Variants in EDA observed in about 807,000 individuals in gnomAD.
The protein encoded by EDA is ectodysplasin-A.
A neutral mutation model predicts 23.6 loss-of-function variants in EDA; 2 were observed. That is an observed-to-expected ratio of 0.08 (90% CI 0.03 to 0.27). The LOEUF is 0.27. EDA is among the 10% of genes least tolerant of loss of function. The pLI, the probability that EDA is intolerant of heterozygous loss-of-function variation, is 1.00. For missense variants in EDA, 229 were observed against 324.2 expected, an observed-to-expected ratio of 0.71 and a Z score of 2.26; for synonymous variants, 131 against 132.0, an observed-to-expected ratio of 0.99 and a Z score of 0.05.
At chrX:69,941,575 C>CTGATAGA (rs1283112542) in intron 1 of EDA, among the ~76,000 whole-genome samples, 2 of 111,232 alleles carry the variant, frequency 1.8e-5, no homozygotes, top group Non-Finnish European at 3.8e-5. Flanking sequence ...TATATTTTGT[C>CTGATAGA]TGATAGAAGT....
chrX:69,888,072 A>G (rs999250119), intron 1 of EDA, among the ~76,000 whole-genome samples: 1 of 112,135 alleles, frequency 8.9e-6, no homozygotes, highest in East Asian at 2.8e-4. Flanking sequence ...TCTCTAGTAT[A>G]AAAGTTATCT....
intron 1 of EDA, among the ~76,000 whole-genome samples, chrX:69,709,350 C>T (rs2011872971): frequency 9.0e-6 from 1 of 111,602 alleles, no homozygotes; most frequent in South Asian, 3.8e-4. Context: ...GATATGTGGC[C>T]TTTTAGCATT....
chrX:69,831,492 AT>A (rs1453614877), intron 1 of EDA, among the ~76,000 whole-genome samples: 3 of 112,388 alleles, frequency 2.7e-5, no homozygotes, highest in Non-Finnish European at 5.6e-5. Context: ...AGTCTTTGCT[AT>A]TGTGAATAGT....
At chrX:70,003,171 A>G (rs1451460340) in intron 2 of EDA, among the ~76,000 whole-genome samples, 2 of 111,727 alleles carry the variant, frequency 1.8e-5, no homozygotes, top group Non-Finnish European at 3.8e-5. Flanking sequence ...AGACAGGTGA[A>G]GTGATTCGCC....
intron 2 of EDA, among the ~76,000 whole-genome samples, chrX:70,017,857 C>T (rs918774636): frequency 1.8e-5 from 2 of 111,493 alleles, no homozygotes; most frequent in Admixed American, 9.6e-5. Flanking sequence ...CCACAGCAAT[C>T]GAGCAAGAGA....
intron 7 of EDA, 99 bp downstream of exon 7, chrX:70,033,627 G>A (rs2020228851): frequency 9.5e-7 from 1 of 1,048,012 alleles, no homozygotes; most frequent in Non-Finnish European, 1.3e-6. Context: ...CCATCCAATG[G>A]CTAACTTCCT....
At chrX:69,912,219 C>T (rs1164361501) in intron 1 of EDA, among the ~76,000 whole-genome samples, 3 of 111,927 alleles carry the variant, frequency 2.7e-5, no homozygotes, top group Non-Finnish European at 5.6e-5. Flanking sequence ...GCTGTTTCCA[C>T]CACATTTGCA....
intron 1 of EDA, among the ~76,000 whole-genome samples, chrX:69,940,151 G>C (rs1276866105): frequency 1.8e-5 from 2 of 111,364 alleles, no homozygotes; most frequent in African/African-American, 6.5e-5. Flanking sequence ...GGAATACTTT[G>C]AGTAGGATTG....
At chrX:69,905,389 T>C (rs1602523890) in intron 1 of EDA, among the ~76,000 whole-genome samples, 1 of 110,424 alleles carries the variant, frequency 9.1e-6, no homozygotes, top group Admixed American at 9.8e-5. Context: ...TTTTGGGAAA[T>C]GGAAGCAATT....
intron 2 of EDA, among the ~76,000 whole-genome samples, chrX:70,020,254 G>A (rs2020012319): frequency 9.0e-6 from 1 of 111,697 alleles, no homozygotes; most frequent in Non-Finnish European, 1.9e-5. Flanking sequence ...TTGGACAAGT[G>A]TATAAAAATG....
intron 1 of EDA, 42 bp downstream of exon 1, chrX:69,616,746 CGGGTAGGGCGA>C: frequency 8.3e-7 from 1 of 1,208,123 alleles, no homozygotes; most frequent in Non-Finnish European, 1.1e-6. Context: ...CCTCCCCTCG[CGGGTAGGGCGA>C]GGGCCCTCCG....
chrX:69,815,044 C>A (rs757576005), intron 1 of EDA, among the ~76,000 whole-genome samples: 1 of 112,083 alleles, frequency 8.9e-6, no homozygotes, highest in East Asian at 2.8e-4. Context: ...GGGAGCCAAG[C>A]AACGTCATTC....
intron 1 of EDA, among the ~76,000 whole-genome samples, chrX:69,792,931 C>A (rs186981764): frequency 2.5e-4 from 28 of 112,108 alleles, no homozygotes; most frequent in African/African-American, 9.0e-4. Flanking sequence ...TCCTGCTCTG[C>A]TGATTATTTC....
At chrX:70,006,727 C>G (rs1281112863) in intron 2 of EDA, among the ~76,000 whole-genome samples, 1 of 111,657 alleles carries the variant, frequency 9.0e-6, no homozygotes, top group Non-Finnish European at 1.9e-5. Context: ...TGGCTTGTCT[C>G]TTGATTCACT....
chrX:69,756,272 A>G (rs763686079), intron 1 of EDA, among the ~76,000 whole-genome samples: 39 of 112,355 alleles, frequency 3.5e-4, no homozygotes, highest in African/African-American at 1.2e-3. Flanking sequence ...TTTTATTCCT[A>G]TTAACCAGGA....
At chrX:69,744,473 T>C (rs976694521) in intron 1 of EDA, among the ~76,000 whole-genome samples, 1 of 112,060 alleles carries the variant, frequency 8.9e-6, no homozygotes, top group Admixed American at 9.5e-5. Flanking sequence ...AATGCAAAGC[T>C]CTACTACTAA....
chrX:69,698,400 G>T (rs1361044270), intron 1 of EDA, among the ~76,000 whole-genome samples: 4 of 111,160 alleles, frequency 3.6e-5, no homozygotes, highest in Admixed American at 2.9e-4. Flanking sequence ...GGTTGGGTTG[G>T]CAGATAAACA....
In EDA at chrX:70,035,769, G is replaced by A; in HGVS notation, c.*160G>A. ...TCCCCAGTGACTCCAGGGTGACAAG[G>A]CCTGCTTGACTTTCCAGAATGACCT... is the stretch of plus-strand genomic sequence containing the variant. On this transcript the variant is annotated 3_prime_UTR_variant, in exon 8 of 8. Coordinates refer to ENST00000374552, the MANE Select transcript of EDA (RefSeq NM_001399.5). 1.5e-6 allele frequency: 1 copy of A among 667,038 alleles called. No individual in the cohort carries two copies. The highest frequency in any genetic ancestry group is 2.2e-6 in the Non-Finnish European group (1 of 444,484). 55.0% of individuals were successfully genotyped at this position (667,038 alleles called of 1,213,427 possible).
chrX:69,729,749 C>G (rs894854749), intron 1 of EDA, among the ~76,000 whole-genome samples: 1 of 111,680 alleles, frequency 9.0e-6, no homozygotes, highest in Non-Finnish European at 1.9e-5. Context: ...AGCAGTCAAA[C>G]AAGTCAAGCA....
Sources: allele counts gnomAD v4.1 joint callset (sites outside exome capture counted in the v4.1 genomes callset), GRCh38; gene constraint gnomAD v4.1.1; transcripts MANE v1.5; gene names NCBI Gene and HGNC (gene_info 2026-07-23, HGNC 2026-07-21).